Variants in PDZD2 observed in about 807,000 individuals in gnomAD.
The protein encoded by PDZD2 is PDZ domain containing 2.
Under a neutral mutation model 220.7 loss-of-function variants are expected in PDZD2, and 90 were observed. The observed-to-expected ratio is 0.41, with a 90% CI of 0.34 to 0.49. PDZD2 has a LOEUF of 0.49. Among genes scored for constraint, PDZD2 ranks in the 20% least tolerant of loss-of-function variants. PDZD2 has a pLI of 0.28. For missense variants in PDZD2, 3,174 were observed against 3,608.5 expected (o/e 0.88, Z 3.08); for synonymous variants, 1,375 against 1,450.5 (o/e 0.95, Z 1.18).
At chr5:31,848,920 G>A (rs1322054091) in intron 2 of PDZD2, among the ~76,000 whole-genome samples, 2 of 151,994 alleles carry the variant, frequency 1.3e-5, no homozygotes, top group African/African-American at 4.8e-5. Context: ...GTGGTGGCAG[G>A]CGCCTGTAGT....
At chr5:31,886,633 C>CCAGTGACTGTTACAGGTCTGTTG (rs147089826) in intron 2 of PDZD2, among the ~76,000 whole-genome samples, 46 of 151,170 alleles carry the variant, frequency 3.0e-4, no homozygotes, top group Middle Eastern at 3.4e-3. Flanking sequence ...ATTGGAGGAC[C>CCAGTGACTGTTACAGGTCTGTTG]CAGTGACTGT....
chr5:31,685,601 G>A (rs1286245728), intron 1 of PDZD2, among the ~76,000 whole-genome samples: 3 of 152,134 alleles, frequency 2.0e-5, no homozygotes, highest in Non-Finnish European at 4.4e-5. Flanking sequence ...TCAGCTCACT[G>A]CAACCTCTGC....
intron 1 of PDZD2, among the ~76,000 whole-genome samples, chr5:31,708,897 T>A (rs903678167): frequency 7.9e-5 from 12 of 151,226 alleles, no homozygotes; most frequent in African/African-American, 1.7e-4. Context: ...TTTTTTTTTT[T>A]AATTTTTTTA....
chr5:31,801,704 C>T (rs1404009149), intron 2 of PDZD2, among the ~76,000 whole-genome samples: 3 of 152,136 alleles, frequency 2.0e-5, no homozygotes, highest in East Asian at 3.9e-4. Flanking sequence ...CCTCAGATGC[C>T]CCATGTGTGA....
intron 7 of PDZD2, among the ~76,000 whole-genome samples, chr5:32,044,149 T>C (rs1346581471): frequency 2.0e-5 from 3 of 151,614 alleles, no homozygotes; most frequent in Admixed American, 6.6e-5. Context: ...GCCAACACGG[T>C]GAAACCTCAT....
chr5:31,679,097 A>C (rs1175132579), intron 1 of PDZD2, among the ~76,000 whole-genome samples: 1 of 152,136 alleles, frequency 6.6e-6, no homozygotes, highest in Non-Finnish European at 1.5e-5. Flanking sequence ...CTGACTACAG[A>C]GCCCCCCTCC....
intron 2 of PDZD2, among the ~76,000 whole-genome samples, chr5:31,920,048 G>A (rs1049664531): frequency 5.3e-5 from 8 of 151,884 alleles, no homozygotes; most frequent in African/African-American, 1.9e-4. Context: ...GGGGTTTTGG[G>A]AGGCTAAAGT....
intron 2 of PDZD2, among the ~76,000 whole-genome samples, chr5:31,872,867 A>C (rs1034795438): frequency 6.6e-6 from 1 of 152,200 alleles, no homozygotes; most frequent in Non-Finnish European, 1.5e-5. Flanking sequence ...CCATATGACT[A>C]TAATGGAACA....
intron 2 of PDZD2, among the ~76,000 whole-genome samples, chr5:31,913,755 C>G (rs940006200): frequency 6.6e-6 from 1 of 152,030 alleles, no homozygotes; most frequent in Non-Finnish European, 1.5e-5. Context: ...TCACTATGGC[C>G]GGGGTTTAGA....
chr5:32,060,913 A>C, intron 13 of PDZD2, 89 bp from the exon 14 acceptor site: 1 of 1,255,196 alleles, frequency 8.0e-7, no homozygotes, highest in South Asian at 1.3e-5. Context: ...AAAAGATTTC[A>C]TATTATAAAC....
At chr5:31,645,661 A>G (rs969436264) in intron 1 of PDZD2, among the ~76,000 whole-genome samples, 1 of 151,962 alleles carries the variant, frequency 6.6e-6, no homozygotes, top group Non-Finnish European at 1.5e-5. Context: ...ACACTTGGAC[A>G]CCTCTAGTAC....
chr5:31,922,864 G>C (rs1744398650), intron 2 of PDZD2, among the ~76,000 whole-genome samples: 1 of 152,022 alleles, frequency 6.6e-6, no homozygotes, highest in African/African-American at 2.4e-5. Flanking sequence ...TTTTTAGTTA[G>C]ACATGGGATT....
chr5:32,043,980 A>T (rs968954645), intron 7 of PDZD2, among the ~76,000 whole-genome samples: 1 of 151,914 alleles, frequency 6.6e-6, no homozygotes, highest in Non-Finnish European at 1.5e-5. Context: ...TTTCATTCTT[A>T]TTGTTCTCCT....
intron 1 of PDZD2, among the ~76,000 whole-genome samples, chr5:31,773,514 G>A (rs1752460088): frequency 6.6e-6 from 1 of 151,344 alleles, no homozygotes; most frequent in African/African-American, 2.4e-5. Context: ...AGTGAAGCAT[G>A]GTGGCGCATG....
intron 1 of PDZD2, among the ~76,000 whole-genome samples, chr5:31,793,779 C>T (rs1428307465): frequency 6.6e-6 from 1 of 152,196 alleles, no homozygotes; most frequent in African/African-American, 2.4e-5. Context: ...TGCACTCCAG[C>T]ATGGGCAACA....
intron 2 of PDZD2, among the ~76,000 whole-genome samples, chr5:31,835,651 G>A (rs1334936822): frequency 6.6e-6 from 1 of 151,862 alleles, no homozygotes; most frequent in African/African-American, 2.4e-5. Flanking sequence ...TAGCTTCAAG[G>A]ACCCTGCCTT....
intron 6 of PDZD2, among the ~76,000 whole-genome samples, chr5:32,014,667 C>T (rs1753597810): frequency 6.7e-6 from 1 of 149,850 alleles, no homozygotes; most frequent in Non-Finnish European, 1.5e-5. Flanking sequence ...CAGTTCTTCT[C>T]CGAATCTCTC....
intron 14 of PDZD2, among the ~76,000 whole-genome samples, chr5:32,061,383 G>C (rs1192174899): frequency 6.6e-6 from 1 of 152,204 alleles, no homozygotes; most frequent in Non-Finnish European, 1.5e-5. Flanking sequence ...TGTGTTCTGA[G>C]TACTGGCTTT....
At chr5:31,790,246 C>T (rs1032070528) in intron 1 of PDZD2, among the ~76,000 whole-genome samples, 3 of 152,062 alleles carry the variant, frequency 2.0e-5, no homozygotes, top group African/African-American at 2.4e-5. Flanking sequence ...TACAGGCACC[C>T]GCCACCATGC....
Sources: allele counts gnomAD v4.1 joint callset (sites outside exome capture counted in the v4.1 genomes callset), GRCh38; gene constraint gnomAD v4.1.1; transcripts MANE v1.5; gene names NCBI Gene and HGNC (gene_info 2026-07-23, HGNC 2026-07-21).